The following PXDN variants were observed in gnomAD, a reference collection of about 807,000 sequenced individuals.
PXDN encodes the protein peroxidasin homolog.
In PXDN, 77 loss-of-function variants were observed where a neutral mutation model predicts 140.3. That is an observed-to-expected ratio of 0.55 (90% CI 0.46 to 0.66). PXDN has a LOEUF of 0.66. Ranked by LOEUF, PXDN falls within the 30% of genes least tolerant of loss-of-function variation. The pLI, the probability that PXDN is intolerant of heterozygous loss-of-function variation, is 0.00. For missense variants in PXDN, 1,838 were observed against 2,039.5 expected (o/e 0.90, Z 1.90); for synonymous variants, 911 against 857.4 (o/e 1.06, Z -1.09).
At chr2:1,663,513 G>A (rs989404268) in intron 12 of PXDN, 92 bp downstream of exon 12, 66 of 1,514,452 alleles carry the variant, frequency 4.4e-5, no homozygotes, top group African/African-American at 2.6e-4. Flanking sequence ...GCTTTATAAC[G>A]AAGAGTAACA....
chr2:1,637,875 GCACC>G (rs1682610482), intron 21 of PXDN, among the ~76,000 whole-genome samples: 1 of 8,804 alleles, frequency 1.1e-4, no homozygotes, highest in Non-Finnish European at 5.0e-4. Context: ...CTGGGGACTT[GCACC>G]TGGTCTCTAG....
intron 1 of PXDN, among the ~76,000 whole-genome samples, chr2:1,720,689 C>CTCTGCATCTCTT (rs1379329693): frequency 8.6e-4 from 45 of 52,100 alleles, no homozygotes; most frequent in African/African-American, 3.7e-3. Flanking sequence ...ATCTCTTTCT[C>CTCTGCATCTCTT]TCTCTCTCTG....
At position 1,698,093 on chromosome 2, in the gene PXDN, G is replaced by C. The variant is rs566287444; in HGVS notation, c.201-4959C>G. On this transcript the variant is annotated intron_variant, in intron 1 of 22. Coordinates refer to ENST00000252804, the MANE Select transcript of PXDN (RefSeq NM_012293.3). The stretch of plus-strand genomic sequence containing the variant: ...ACACCCCTGCCTGGGTAAGCGTGAG[G>C]GGTGCATCCCTTCTAAAGCCTGGGG... Among the ~76,000 whole-genome samples the C allele has an allele frequency of 1.1e-4, 17 of 152,304 alleles. No individual in the cohort carries two copies. In the East Asian group the frequency reaches 3.1e-3, roughly 28 times the overall value.
At position 1,666,464 on chromosome 2, in the gene PXDN, C is replaced by T. The variant is rs763106806; in HGVS notation, c.1041G>A (p.Gln347=). The T allele has an allele frequency of 6.3e-6, 10 of 1,596,096 alleles. No individual in the cohort carries two copies. Among genetic ancestry groups the T allele is most frequent in the Admixed American group, 3.4e-5 (2 of 59,566 alleles). Residue 347 remains glutamine (Q), a synonymous_variant, in exon 10 of 23, where the codon CAG becomes CAA. Transcript: ENST00000252804. ...GSPARPTFVI[Q]PQNTEVLVGE... The stretch of plus-strand genomic sequence containing the variant: ...CAACCAGCACCTCTGTATTCTGTGG[C>T]TGGATTACAAAAGTGGGTCGAGCTG...
intron 19 of PXDN, among the ~76,000 whole-genome samples, chr2:1,640,815 A>G (rs993905556): frequency 5.9e-5 from 9 of 152,332 alleles, no homozygotes; most frequent in Non-Finnish European, 1.2e-4. Flanking sequence ...GGTCCCTGGT[A>G]GAATTACAGG....
intron 1 of PXDN, among the ~76,000 whole-genome samples, chr2:1,711,432 TAGCACCCACTCCACC>T (rs1684774484): frequency 4.5e-5 from 2 of 44,036 alleles, no homozygotes; most frequent in Admixed American, 2.7e-4. Flanking sequence ...CACTCTCCAC[TAGCACCCACTCCACC>T]AGCACCCACT....
chr2:1,654,362 G>A, intron 15 of PXDN, 38 bp downstream of exon 15: 1 of 1,450,206 alleles, frequency 6.9e-7, no homozygotes, highest in Middle Eastern at 1.7e-4. Context: ...CTAAAGCTCA[G>A]TGATTTGAGG....
intron 8 of PXDN, 142 bp from the exon 9 acceptor site, chr2:1,673,954 T>C: frequency 2.4e-6 from 2 of 839,354 alleles, no homozygotes; most frequent in South Asian, 3.5e-5. Flanking sequence ...TCCTCCTTCC[T>C]GGCAGCCCTG....
In PXDN at chr2:1,644,854, A is replaced by C. The variant is rs995480563; in HGVS notation, c.3609-102T>G. 7.5e-6 allele frequency: 9 copies of C among 1,198,730 alleles called. No individual in the cohort carries two copies. The African/African-American group carries it at 1.3e-4, about 17-fold the overall frequency. 74.3% of individuals were successfully genotyped at this position (1,198,730 alleles called of 1,614,324 possible). Reference sequence around the variant, plus strand: ...TTCTTTCTTTCTATCACTATTTTACATTATTTAGAATTTTACTTAACAAAG... The same window carrying C: ...TTCTTTCTTTCTATCACTATTTTACCTTATTTAGAATTTTACTTAACAAAG... On this transcript the variant is annotated intron_variant, in intron 17 of 22. Coordinates refer to ENST00000252804, the MANE Select transcript of PXDN (RefSeq NM_012293.3).
chr2:1,732,154 G>A (rs1170580979), intron 1 of PXDN, among the ~76,000 whole-genome samples: 1 of 152,166 alleles, frequency 6.6e-6, no homozygotes, highest in Non-Finnish European at 1.5e-5. Flanking sequence ...ACAAAGCACT[G>A]ATCCGTGTGA....
chr2:1,691,407 A>G (rs1684180358), intron 3 of PXDN, among the ~76,000 whole-genome samples: 1 of 152,260 alleles, frequency 6.6e-6, no homozygotes, highest in Non-Finnish European at 1.5e-5. Flanking sequence ...ATCAGTTTTT[A>G]AAAGTGAAAT....
intron 1 of PXDN, among the ~76,000 whole-genome samples, chr2:1,731,210 C>T (rs889162810): frequency 3.3e-5 from 5 of 151,084 alleles, no homozygotes; most frequent in African/African-American, 7.3e-5. Flanking sequence ...TTTAAGAGAG[C>T]GAGCAATAAT....
intron 6 of PXDN, among the ~76,000 whole-genome samples, 188 bp downstream of exon 6, chr2:1,683,466 CCA>C (rs1339703341): frequency 1.3e-5 from 2 of 149,792 alleles, no homozygotes; most frequent in African/African-American, 5.1e-5. Context: ...TAACTACTTG[CCA>C]CATTGTCTGA....
At chr2:1,658,454 G>T (rs886884199) in intron 14 of PXDN, among the ~76,000 whole-genome samples, 8 of 151,704 alleles carry the variant, frequency 5.3e-5, no homozygotes, top group African/African-American at 1.9e-4. Context: ...CTACTGCCAG[G>T]CCCCCTCAGA....
rs375639042 is a variant in PXDN at position 1,634,364 on chromosome 2, T to C, written c.4321-41A>G. 2.3e-5 allele frequency: 36 copies of C among 1,543,322 alleles called. No individual in the cohort carries two copies. In the Admixed American group the frequency reaches 6.5e-4, roughly 28 times the overall value. On this transcript the variant is annotated intron_variant, in intron 22 of 22. Coordinates refer to ENST00000252804, the MANE Select transcript of PXDN (RefSeq NM_012293.3). ...GGAGCACAGCCTGTCAGCTCTGGGA[T>C]GGCCTTCAGGTGAGCAAAGCCTGTC...
intron 12 of PXDN, among the ~76,000 whole-genome samples, chr2:1,662,877 G>A (rs1243371423): frequency 1.3e-5 from 2 of 152,128 alleles, no homozygotes; most frequent in African/African-American, 2.4e-5. Context: ...TATCCTCCCC[G>A]CACGACATCT....
At chr2:1,673,578 A>G in intron 9 of PXDN, 65 bp downstream of exon 9, 3 of 1,532,468 alleles carry the variant, frequency 2.0e-6, no homozygotes, top group Non-Finnish European at 2.7e-6. Flanking sequence ...CAAGGAAAGG[A>G]GAAGGCAGAT....
At chr2:1,664,425 C>T in intron 11 of PXDN, 1 of 157,264 alleles carries the variant, frequency 6.4e-6, no homozygotes, top group Non-Finnish European at 1.4e-5. Context: ...TGCCTTTATG[C>T]AGTAACATGC....
intron 21 of PXDN, among the ~76,000 whole-genome samples, chr2:1,637,634 C>A (rs376581931): frequency 6.7e-6 from 1 of 149,006 alleles, no homozygotes; most frequent in Non-Finnish European, 1.5e-5. Context: ...TCCACTCTGA[C>A]AGCTGCCTGG....
Sources: gnomAD v4.1 joint callset for allele counts (sites outside exome capture counted in the v4.1 genomes callset) on GRCh38, gnomAD v4.1.1 for gene constraint, MANE v1.5 for transcripts, NCBI Gene and HGNC (gene_info 2026-07-23, HGNC 2026-07-21) for gene names.